The following TGFBR2 variants were observed in gnomAD, a reference collection of about 807,000 sequenced individuals.
TGFBR2 encodes the protein transforming growth factor beta receptor 2, also known as TGF-beta receptor type-2.
TGFBR2 carries 18 observed loss-of-function variants against 49.0 expected under a neutral mutation model. That is an observed-to-expected ratio of 0.37 (90% CI 0.25 to 0.54). The LOEUF (loss-of-function observed/expected upper bound fraction) is 0.54, where lower values mean the gene tolerates loss of function less well. Ranked by LOEUF, TGFBR2 falls within the 20% of genes least tolerant of loss-of-function variation. The pLI, the probability that TGFBR2 is intolerant of heterozygous loss-of-function variation, is 0.85. For synonymous variants in TGFBR2, 282 were observed against 275.9 expected (o/e 1.02, Z -0.22); for missense variants, 525 against 722.6 (o/e 0.73, Z 3.13).
chr3:30,675,410 A>G (rs1044027611), intron 5 of TGFBR2, among the ~76,000 whole-genome samples: 3 of 144,884 alleles, frequency 2.1e-5, no homozygotes, highest in African/African-American at 7.7e-5. Flanking sequence ...TTTTTTTGAG[A>G]CAGTCTCGCT....
At chr3:30,655,080 A>C (rs1323401767) in intron 3 of TGFBR2, among the ~76,000 whole-genome samples, 1 of 152,188 alleles carries the variant, frequency 6.6e-6, no homozygotes, top group Non-Finnish European at 1.5e-5. Context: ...TTCATCTGTA[A>C]AATGGAAATA....
At chr3:30,670,261 T>G (rs1327777379) in intron 3 of TGFBR2, among the ~76,000 whole-genome samples, 1 of 152,230 alleles carries the variant, frequency 6.6e-6, no homozygotes, top group Non-Finnish European at 1.5e-5. Flanking sequence ...CATGTTTCTC[T>G]AAGCTTTTCC....
At chr3:30,638,209 A>G (rs1024659129) in intron 1 of TGFBR2, among the ~76,000 whole-genome samples, 2 of 152,246 alleles carry the variant, frequency 1.3e-5, no homozygotes, top group Non-Finnish European at 1.5e-5. Flanking sequence ...ATAAGCATTG[A>G]TAATGATTTT....
chr3:30,645,013 T>G (rs993597312), intron 2 of TGFBR2, 98 bp downstream of exon 2: 17 of 1,096,602 alleles, frequency 1.6e-5, no homozygotes, highest in African/African-American at 1.6e-5. Flanking sequence ...CTCCTAAATG[T>G]AAACACCTGT....
chr3:30,607,707 G>A (rs1352802579), intron 1 of TGFBR2, among the ~76,000 whole-genome samples: 5 of 150,962 alleles, frequency 3.3e-5, no homozygotes, highest in Non-Finnish European at 7.4e-5. Flanking sequence ...TGCAATTATC[G>A]TTTGTTGGAA....
intron 1 of TGFBR2, among the ~76,000 whole-genome samples, chr3:30,624,392 C>G (rs1262353665): frequency 6.6e-6 from 1 of 151,954 alleles, no homozygotes; most frequent in Non-Finnish European, 1.5e-5. Context: ...CCGAGGAGGG[C>G]AGATCACGAG....
chr3:30,646,625 G>A (rs1233531919), intron 2 of TGFBR2, among the ~76,000 whole-genome samples: 1 of 152,194 alleles, frequency 6.6e-6, no homozygotes, highest in East Asian at 1.9e-4. Context: ...TTTCCCAACA[G>A]CAGAACAGGC....
At chr3:30,687,440 T>G (rs919498295) in intron 5 of TGFBR2, among the ~76,000 whole-genome samples, 1 of 152,176 alleles carries the variant, frequency 6.6e-6, no homozygotes, top group African/African-American at 2.4e-5. Flanking sequence ...TTGCCCAGGT[T>G]GGTCTCAAAC....
At chr3:30,630,101 A>G (rs1238923687) in intron 1 of TGFBR2, among the ~76,000 whole-genome samples, 1 of 152,120 alleles carries the variant, frequency 6.6e-6, no homozygotes, top group African/African-American at 2.4e-5. Context: ...CGAGTTCACA[A>G]CTCCACTGGT....
At chr3:30,690,330 G>C (rs1439658346) in intron 6 of TGFBR2, among the ~76,000 whole-genome samples, 1 of 152,250 alleles carries the variant, frequency 6.6e-6, no homozygotes, top group Non-Finnish European at 1.5e-5. Context: ...AAGCCAGTGA[G>C]AGAAAACTCT....
chr3:30,687,170 TTTGACCTTAG>T (rs917737757), intron 5 of TGFBR2, among the ~76,000 whole-genome samples: 1 of 152,332 alleles, frequency 6.6e-6, no homozygotes, highest in Non-Finnish European at 1.5e-5. Context: ...TTATAAAGAA[TTTGACCTTAG>T]TTGAAGCCTG....
chr3:30,616,346 G>T (rs1424231028), intron 1 of TGFBR2, among the ~76,000 whole-genome samples: 1 of 152,020 alleles, frequency 6.6e-6, no homozygotes, highest in East Asian at 1.9e-4. Context: ...TCCTACTTTA[G>T]AGCCCCATGC....
intron 1 of TGFBR2, among the ~76,000 whole-genome samples, chr3:30,618,472 G>A (rs1417456754): frequency 1.3e-5 from 2 of 151,922 alleles, no homozygotes; most frequent in East Asian, 1.9e-4. Context: ...TCCTGACCTC[G>A]TGATCCGCCC....
At chr3:30,686,413 G>A (rs1229022381) in intron 5 of TGFBR2, among the ~76,000 whole-genome samples, 1 of 152,112 alleles carries the variant, frequency 6.6e-6, no homozygotes, top group African/African-American at 2.4e-5. Context: ...GATAGTTTGT[G>A]GTTTGTCTTA....
intron 3 of TGFBR2, among the ~76,000 whole-genome samples, chr3:30,665,389 G>A (rs1419863747): frequency 6.6e-6 from 1 of 152,194 alleles, no homozygotes. Context: ...TCTGTAAAAC[G>A]GGGGTAAGAG....
chr3:30,646,563 A>C (rs1037345007), intron 2 of TGFBR2, among the ~76,000 whole-genome samples: 2 of 152,198 alleles, frequency 1.3e-5, no homozygotes, highest in Non-Finnish European at 2.9e-5. Context: ...TAACATTTGC[A>C]AGGCAGGCAG....
intron 1 of TGFBR2, among the ~76,000 whole-genome samples, chr3:30,608,975 C>G (rs1210484827): frequency 1.3e-5 from 2 of 152,188 alleles, no homozygotes; most frequent in Admixed American, 1.3e-4. Context: ...TAGTTAGGTT[C>G]TGTTTACAAG....
chr3:30,654,370 G>T (rs537682569), intron 3 of TGFBR2, among the ~76,000 whole-genome samples: 1 of 152,050 alleles, frequency 6.6e-6, no homozygotes, highest in Non-Finnish European at 1.5e-5. Context: ...TCTTTGAACC[G>T]GGTACCTACC....
At chr3:30,652,058 A>G (rs532442177) in intron 3 of TGFBR2, among the ~76,000 whole-genome samples, 6 of 151,946 alleles carry the variant, frequency 3.9e-5, no homozygotes, top group African/African-American at 1.4e-4. Flanking sequence ...TGTGTCCTTC[A>G]CCTACTGCCA....
Sources: allele counts gnomAD v4.1 joint callset (sites outside exome capture counted in the v4.1 genomes callset), GRCh38; gene constraint gnomAD v4.1.1; transcripts MANE v1.5; gene names NCBI Gene and HGNC (gene_info 2026-07-23, HGNC 2026-07-21).